The following UNKL variants were observed in gnomAD, a reference collection of about 807,000 sequenced individuals.
The protein encoded by UNKL is unk like zinc finger.
Under a neutral mutation model 78.0 loss-of-function variants are expected in UNKL, and 60 were observed. That is an observed-to-expected ratio of 0.77 (90% CI 0.63 to 0.95). The LOEUF is 0.95. Ranked by LOEUF, UNKL falls within the 40% of genes least tolerant of loss-of-function variation. UNKL has a pLI of 0.00. For synonymous variants in UNKL, 608 were observed against 474.8 expected (o/e 1.28, Z -3.65); for missense variants, 1,159 against 1,045.7 (o/e 1.11, Z -1.49).
intron 5 of UNKL, chr16:1,398,238 C>T (rs2037361968): frequency 4.3e-6 from 4 of 931,742 alleles, no homozygotes; most frequent in Non-Finnish European, 5.1e-6. Context: ...GACTGCACCA[C>T]CGCACTCCAG....
intron 10 of UNKL, among the ~76,000 whole-genome samples, chr16:1,372,406 T>C (rs187934037): frequency 2.2e-3 from 327 of 151,988 alleles, no homozygotes; most frequent in African/African-American, 7.6e-3. Flanking sequence ...CGCCTCAGAG[T>C]GGCCTCACCC....
chr16:1,414,414 C>T (rs938657533), intron 1 of UNKL, among the ~76,000 whole-genome samples: 2 of 151,936 alleles, frequency 1.3e-5, no homozygotes, highest in South Asian at 2.1e-4. Flanking sequence ...GACCCCGGAA[C>T]CAGGTGCCAT....
intron 6 of UNKL, among the ~76,000 whole-genome samples, chr16:1,396,004 G>A (rs557922454): frequency 7.2e-5 from 11 of 152,140 alleles, no homozygotes; most frequent in East Asian, 1.9e-4. Context: ...GTGCAGTGGC[G>A]CACTCTTGGC....
In UNKL at chr16:1,399,274, G is replaced by T. The variant is rs1325099083; in HGVS notation, c.734+100C>A. 4.9e-6 allele frequency: 7 copies of T among 1,425,140 alleles called. No homozygotes were observed. Among genetic ancestry groups the T allele is most frequent in the Non-Finnish European group, 6.4e-6 (7 of 1,089,638 alleles). The allele number at this position is 1,425,140 out of a possible 1,614,324, so 88.3% of individuals were successfully genotyped here. A position where few individuals can be genotyped will look rare whatever the true frequency, so the allele number is the denominator to read the frequency against. On this transcript the variant is annotated intron_variant, in intron 5 of 14. Coordinates refer to ENST00000389221, the MANE Select transcript of UNKL (RefSeq NM_001372107.1). This position sits in a 1 kb window ranked among gnomAD's most constrained non-coding sequence, Gnocchi z 5.8. Reference sequence around the variant, plus strand: ...TCCCGGGGATGATGGTGCCACAAGGGCAGCCCTCCCATTAGAACCCCGGGG... The same window carrying T: ...TCCCGGGGATGATGGTGCCACAAGGTCAGCCCTCCCATTAGAACCCCGGGG...
Position 1,399,667 on chromosome 16 carries a change from A to C in UNKL, c.599-158T>G. 1 of 1,113,164 alleles carries C rather than the reference A, an allele frequency of 9.0e-7. No homozygotes were observed. The highest frequency in any genetic ancestry group is 1.3e-6 in the Non-Finnish European group (1 of 788,160). 69.0% of individuals were successfully genotyped at this position (1,113,164 alleles called of 1,614,324 possible). A position where few individuals can be genotyped will look rare whatever the true frequency, so the allele number is the denominator to read the frequency against. ...ACGCCACGGCACACGCTGATGTCAA[A>C]GGACTCGCGCTCCATGAGGGAAGCC... On this transcript the variant is annotated intron_variant, in intron 4 of 14. Coordinates refer to ENST00000389221, the MANE Select transcript of UNKL (RefSeq NM_001372107.1). The surrounding 1 kb of genome is among the most constrained non-coding windows in gnomAD (Gnocchi z 5.8).
In UNKL at chr16:1,371,110, T is replaced by C. The variant is rs2035795779; in HGVS notation, c.1357+409A>G. Among the ~76,000 whole-genome samples, 3 of 150,806 alleles carry C rather than the reference T, an allele frequency of 2.0e-5. No homozygotes were observed. In the South Asian group the frequency reaches 6.3e-4, roughly 32 times the overall value. On this transcript the variant is annotated intron_variant, in intron 11 of 14. Transcript: ENST00000389221. Reference sequence around the variant, plus strand: ...AAAAAAAAAAAAAAAAAAAGATACATTTGTATGGATGTCAATCTTTTGTCT... The same window carrying C: ...AAAAAAAAAAAAAAAAAAAGATACACTTGTATGGATGTCAATCTTTTGTCT...
chr16:1,412,957 G>A (rs2142305417), intron 2 of UNKL, among the ~76,000 whole-genome samples: 1 of 152,142 alleles, frequency 6.6e-6, no homozygotes, highest in Non-Finnish European at 1.5e-5. Flanking sequence ...TCAAATCAGA[G>A]TGGGAAACAG....
intron 10 of UNKL, among the ~76,000 whole-genome samples, chr16:1,380,027 C>A (rs1435455718): frequency 6.6e-6 from 1 of 152,238 alleles, no homozygotes; most frequent in Non-Finnish European, 1.5e-5. Context: ...GGGGCCGCTG[C>A]CTGCCCTGCA....
chr16:1,385,551 G>C (rs2036779997), intron 9 of UNKL, 166 bp from the exon 10 acceptor site: 1 of 592,238 alleles, frequency 1.7e-6, no homozygotes, highest in Middle Eastern at 4.8e-4. Context: ...GCACCGAGGA[G>C]AAACACCAGG....
chr16:1,403,127 C>A lies in UNKL; in HGVS notation c.464+41G>T. 1 of 1,578,318 alleles carries A rather than the reference C, an allele frequency of 6.3e-7. No individual in the cohort carries two copies. The highest frequency in any genetic ancestry group is 8.6e-7 in the Non-Finnish European group (1 of 1,161,842). ...CCTGCTCATCCAGCAGAGCCCACAG[C>A]AGCAGGCAGGCCAAGTGCCCACTCG... On this transcript the variant is annotated intron_variant, in intron 3 of 14. Coordinates refer to ENST00000389221, the MANE Select transcript of UNKL (RefSeq NM_001372107.1). The surrounding 1 kb of genome is among the most constrained non-coding windows in gnomAD (Gnocchi z 4.8).
chr16:1,391,103 T>A (rs973783195), intron 8 of UNKL, among the ~76,000 whole-genome samples: 7 of 151,364 alleles, frequency 4.6e-5, no homozygotes, highest in Admixed American at 3.3e-4. Context: ...TGAGCCAAGG[T>A]CATACCACCG....
chr16:1,366,350 G>A lies in UNKL; in HGVS notation c.2092C>T (p.Arg698Trp), dbSNP rs143277199. The A allele has an allele frequency of 8.7e-6, 14 of 1,604,102 alleles. No homozygotes were observed. Among genetic ancestry groups the A allele is most frequent in the South Asian group, 5.6e-5 (5 of 89,848 alleles). The change falls in exon 15 of 15, where the codon CGG (arginine) becomes TGG (tryptophan). Residue 698 changes from arginine to tryptophan, a missense_variant. Physicochemically the swap from Arg to Trp is moderately radical, Grantham distance 101. Transcript: ENST00000389221. ...RAKQCVACRE[R>W]AHGAVLRPCQ... Reference sequence around the variant, plus strand: ...GGCCGCAGGACAGCACCGTGGGCCCGCTCCCGGCAGGCCACACACTGCTTG... The same window carrying A: ...GGCCGCAGGACAGCACCGTGGGCCCACTCCCGGCAGGCCACACACTGCTTG...
At position 1,403,017 on chromosome 16, in the gene UNKL, T is replaced by C. The variant is rs572976300; in HGVS notation, c.464+151A>G. 193 of 1,057,448 alleles carry C rather than the reference T, an allele frequency of 1.8e-4. No homozygotes were observed. The African/African-American group carries it at 2.4e-3, about 13-fold the overall frequency. 65.5% of individuals were successfully genotyped at this position (1,057,448 alleles called of 1,614,324 possible). A position where few individuals can be genotyped will look rare whatever the true frequency, so the allele number is the denominator to read the frequency against. ...AAAAAAAGCAAAAAAAGGACTAACA[T>C]CCAGACTCAGAAAGAAATTCTGGAG... is the stretch of plus-strand genomic sequence containing the variant. On this transcript the variant is annotated intron_variant, in intron 3 of 14. Coordinates refer to ENST00000389221, the MANE Select transcript of UNKL (RefSeq NM_001372107.1). This position sits in a 1 kb window ranked among gnomAD's most constrained non-coding sequence, Gnocchi z 4.8.
At chr16:1,391,222 T>C (rs1044538598) in intron 8 of UNKL, among the ~76,000 whole-genome samples, 3 of 149,364 alleles carry the variant, frequency 2.0e-5, no homozygotes, top group Non-Finnish European at 3.0e-5. Context: ...TCAGCAGTAC[T>C]CTTGGTCCCT....
At chr16:1,382,810 C>T (rs560876259) in intron 10 of UNKL, among the ~76,000 whole-genome samples, 97 of 151,740 alleles carry the variant, frequency 6.4e-4, no homozygotes, top group African/African-American at 2.2e-3. Flanking sequence ...ACACAAAAAA[C>T]GGCCAGGTGT....
At position 1,367,260 on chromosome 16, in the gene UNKL, C is replaced by A. The variant is rs1306305113; in HGVS notation, c.1878G>T (p.Lys626Asn). Residue 626 changes from lysine (K) to asparagine (N), a missense_variant, in exon 14 of 15, where the codon AAG (lysine) becomes AAT (asparagine). Physicochemically the swap from Lys to Asn is moderately conservative, Grantham distance 94. Coordinates refer to ENST00000389221, the MANE Select transcript of UNKL (RefSeq NM_001372107.1). ...DSDRQLALQK[K>N]EEVEAQVKQL... The stretch of plus-strand genomic sequence containing the variant: ...GCTTCACCTGTGCCTCCACCTCCTC[C>A]TTCTTCTGCAGCGCCAGCTGCCGGT... 1 of 1,585,268 alleles carries A rather than the reference C, an allele frequency of 6.3e-7. No individual in the cohort carries two copies. Among genetic ancestry groups the A allele is most frequent in the Admixed American group, 1.8e-5 (1 of 57,082 alleles).
intron 2 of UNKL, 105 bp downstream of exon 2, chr16:1,413,741 G>A: frequency 1.6e-6 from 2 of 1,254,894 alleles, no homozygotes; most frequent in East Asian, 2.6e-5. Context: ...CCTCTGCAGG[G>A]GCCAGGTATG....
At chr16:1,395,882 T>C in intron 6 of UNKL, 1 of 411,692 alleles carries the variant, frequency 2.4e-6, no homozygotes, top group South Asian at 1.6e-5. Flanking sequence ...ACAACATGAG[T>C]CAAGAAACGA....
At position 1,403,684 on chromosome 16, in the gene UNKL, A is replaced by G. The variant is rs1054829438; in HGVS notation, c.288-340T>C. ...TCCTAATGTTCCAAATAAACCTTTAAACCTGTGTGGGAATGAGAGTTCATG... is the reference window on the plus strand; with the variant it reads ...TCCTAATGTTCCAAATAAACCTTTAGACCTGTGTGGGAATGAGAGTTCATG... On this transcript the variant is annotated intron_variant, in intron 2 of 14. Coordinates refer to ENST00000389221, the MANE Select transcript of UNKL (RefSeq NM_001372107.1). This position sits in a 1 kb window ranked among gnomAD's most constrained non-coding sequence, Gnocchi z 4.8. Among the ~76,000 whole-genome samples the G allele has an allele frequency of 6.6e-6, 1 of 152,198 alleles. No individual in the cohort carries two copies. The highest frequency in any genetic ancestry group is 2.4e-5 in the African/African-American group (1 of 41,446).
Sources: allele counts gnomAD v4.1 joint callset (sites outside exome capture counted in the v4.1 genomes callset), GRCh38; gene constraint gnomAD v4.1.1; non-coding constraint Gnocchi (gnomAD v3.1); transcripts MANE v1.5; gene names NCBI Gene and HGNC (gene_info 2026-07-23, HGNC 2026-07-21).